The following SUMF1 variants were observed in gnomAD, a reference collection of about 807,000 sequenced individuals.
The protein encoded by SUMF1 is sulfatase modifying factor 1.
SUMF1 carries 48 observed loss-of-function variants against 47.6 expected under a neutral mutation model. The ratio of observed to expected loss-of-function variants is 1.01; its 90% CI spans 0.80 to 1.28. The LOEUF is 1.28. SUMF1 is among the 50% of genes most tolerant of loss of function. The pLI is 0.00. For synonymous variants in SUMF1, 230 were observed against 192.1 expected, an observed-to-expected ratio of 1.20 and a Z score of -1.63; for missense variants, 571 against 485.4, an observed-to-expected ratio of 1.18 and a Z score of -1.66.
At chr3:4,251,856 A>AT (rs757295771) in intron 8 of SUMF1, among the ~76,000 whole-genome samples, 2 of 152,240 alleles carry the variant, frequency 1.3e-5, no homozygotes, top group African/African-American at 2.4e-5. Context: ...AATTATTAGA[A>AT]TTTTTTTTAG....
chr3:4,349,537 A>G (rs896370866), intron 8 of SUMF1, among the ~76,000 whole-genome samples: 7 of 152,230 alleles, frequency 4.6e-5, no homozygotes, highest in Non-Finnish European at 1.0e-4. Flanking sequence ...ACGCACATGT[A>G]TGCTCCTTGC....
In SUMF1 at chr3:4,132,087, C is replaced by A. The variant is rs180874819; in HGVS notation, c.1015-63342G>T. Among the ~76,000 whole-genome samples the A allele has an allele frequency of 3.9e-4, 59 of 152,252 alleles. 1 individual carries two copies. In the East Asian group the frequency reaches 0.011, roughly 28 times the overall value. The stretch of plus-strand genomic sequence containing the variant: ...GTGGCAGGTTGGTTATATTGGACCT[C>A]TTCCATCATGGAAAGGGCAGAGGTT... On this transcript the variant is annotated intron_variant and NMD_transcript_variant, in intron 8 of 12. Coordinates refer to the SUMF1 transcript ENST00000448413.
intron 8 of SUMF1, among the ~76,000 whole-genome samples, chr3:4,206,471 A>G (rs554856480): frequency 2.9e-4 from 44 of 152,154 alleles, no homozygotes; most frequent in African/African-American, 1.0e-3. Flanking sequence ...TCTGCCCTTC[A>G]CTGTTACTGG....
At chr3:4,113,266 T>C (rs1057114459) in intron 8 of SUMF1, among the ~76,000 whole-genome samples, 1 of 152,122 alleles carries the variant, frequency 6.6e-6, no homozygotes, top group African/African-American at 2.4e-5. Context: ...TAGTAGCTCA[T>C]ACCTGTAATC....
chr3:4,451,053 A>G (rs1197271074), intron 2 of SUMF1, among the ~76,000 whole-genome samples: 1 of 152,096 alleles, frequency 6.6e-6, no homozygotes, highest in Non-Finnish European at 1.5e-5. Flanking sequence ...CCCCCTTCTC[A>G]GAATAAAATG....
intron 8 of SUMF1, among the ~76,000 whole-genome samples, chr3:4,169,404 A>G (rs926729400): frequency 1.3e-5 from 2 of 152,168 alleles, no homozygotes; most frequent in African/African-American, 2.4e-5. Flanking sequence ...ACACAAAGAG[A>G]AAAGACAATG....
At position 4,080,103 on chromosome 3, in the gene SUMF1, C is replaced by T. The variant is rs369977941; in HGVS notation, c.1015-11358G>A. ...CCAGGGGGTGAGGAACACTTTTACC[C>T]GTAGTTCACTGGACGTTACAAACAG... On this transcript the variant is annotated intron_variant and NMD_transcript_variant, in intron 8 of 12. Transcript: ENST00000448413. 9.2e-5 allele frequency among the ~76,000 whole-genome samples: 14 copies of T among 152,030 alleles called. No homozygotes were observed. The East Asian group carries it at 2.7e-3, about 29-fold the overall frequency.
At chr3:4,439,242 G>A (rs1424805474) in intron 3 of SUMF1, among the ~76,000 whole-genome samples, 1 of 152,188 alleles carries the variant, frequency 6.6e-6, no homozygotes, top group East Asian at 1.9e-4. Context: ...GTTAAGTGAG[G>A]CCGGGTGTGG....
intron 7 of SUMF1, among the ~76,000 whole-genome samples, chr3:4,392,226 T>C (rs1246357266): frequency 1.3e-5 from 2 of 152,214 alleles, no homozygotes; most frequent in Non-Finnish European, 2.9e-5. Flanking sequence ...TCATTTCAGT[T>C]AGTAGTATAC....
chr3:4,361,073 G>A (rs1359113378), downstream of SUMF1: 5 of 152,144 alleles, frequency 3.3e-5, no homozygotes, highest in Non-Finnish European at 5.9e-5. Flanking sequence ...AATAAAACAC[G>A]CATATCACAA....
intron 8 of SUMF1, among the ~76,000 whole-genome samples, chr3:4,118,971 TGTC>T (rs1214732692): frequency 6.6e-6 from 1 of 152,176 alleles, no homozygotes; most frequent in Admixed American, 6.5e-5. Context: ...GACTTCCAGC[TGTC>T]TATATCTTTA....
chr3:4,280,796 T>A (rs1281761553), intron 8 of SUMF1, among the ~76,000 whole-genome samples: 1 of 148,588 alleles, frequency 6.7e-6, no homozygotes, highest in Non-Finnish European at 1.5e-5. Flanking sequence ...ATAACTCCAA[T>A]CTTCAAATGG....
rs538314164 is a variant in SUMF1, at chr3:4,054,781, T to G, written c.1191+13788A>C. On this transcript the variant is annotated intron_variant and NMD_transcript_variant, in intron 9 of 12. Coordinates refer to the SUMF1 transcript ENST00000448413. Reference sequence around the variant, plus strand: ...GTAACAATATCAACAACAACATCTTTTAACAGATATTGAGCTGTTAATTTG... The same window carrying G: ...GTAACAATATCAACAACAACATCTTGTAACAGATATTGAGCTGTTAATTTG... 6.6e-5 allele frequency among the ~76,000 whole-genome samples: 10 copies of G among 152,272 alleles called. 1 individual carries two copies. Among genetic ancestry groups the G allele is most frequent in the Non-Finnish European group, 1.5e-4 (10 of 68,014 alleles).
At chr3:4,065,790 C>A (rs901179332) in intron 9 of SUMF1, among the ~76,000 whole-genome samples, 24 of 152,086 alleles carry the variant, frequency 1.6e-4, no homozygotes, top group African/African-American at 5.3e-4. Flanking sequence ...AGTTTAAAGT[C>A]ATCCAACAAG....
chr3:4,162,082 G>C (rs971567260), intron 8 of SUMF1, among the ~76,000 whole-genome samples: 1 of 152,092 alleles, frequency 6.6e-6, no homozygotes, highest in Non-Finnish European at 1.5e-5. Flanking sequence ...TTCTGGTGCA[G>C]GGTGTACCTA....
At chr3:4,236,423 T>C (rs552273438) in intron 8 of SUMF1, among the ~76,000 whole-genome samples, 4 of 152,036 alleles carry the variant, frequency 2.6e-5, no homozygotes, top group Non-Finnish European at 4.4e-5. Context: ...TTCTAATGAC[T>C]GGGCCATTAG....
intron 8 of SUMF1, among the ~76,000 whole-genome samples, chr3:4,283,671 C>T (rs1442043132): frequency 6.6e-6 from 1 of 152,174 alleles, no homozygotes; most frequent in Non-Finnish European, 1.5e-5. Flanking sequence ...GTATTTGCCA[C>T]TACCTTAAGA....
chr3:4,467,129 G>C lies in SUMF1; in HGVS notation c.117C>G (p.Thr39=), dbSNP rs2079975522. 1.3e-6 allele frequency: 2 copies of C among 1,564,526 alleles called. No homozygotes were observed. The highest frequency in any genetic ancestry group is 8.6e-7 in the Non-Finnish European group (1 of 1,156,122). ...CCGCAAGGGACCCCGCGCCCGCACC[G>C]GTCCCGGCCTCCTGGCTCCCTGCCG... ...CGAAGSQEAG[T]GAGAGSLAGS... The change falls in exon 1 of 9, where the codon ACC becomes ACG. Residue 39 remains threonine, a synonymous_variant. Transcript: ENST00000272902.
chr3:4,235,206 C>G (rs1696381809), intron 8 of SUMF1, among the ~76,000 whole-genome samples: 1 of 152,052 alleles, frequency 6.6e-6, no homozygotes, highest in African/African-American at 2.4e-5. Flanking sequence ...AACTTTATGA[C>G]TGGCTGGATA....
Sources: allele counts gnomAD v4.1 joint callset (sites outside exome capture counted in the v4.1 genomes callset), GRCh38; gene constraint gnomAD v4.1.1; transcripts MANE v1.5; gene names NCBI Gene and HGNC (gene_info 2026-07-23, HGNC 2026-07-21).